The following CDC40 variants were observed in gnomAD, a reference collection of about 807,000 sequenced individuals.
CDC40 encodes the protein pre-mRNA-processing factor 17.
A neutral mutation model predicts 80.6 loss-of-function variants in CDC40; 27 were observed. The observed-to-expected ratio is 0.33, with a 90% CI of 0.25 to 0.46. The LOEUF (loss-of-function observed/expected upper bound fraction) is 0.46, where lower values mean the gene tolerates loss of function less well. Among genes scored for constraint, CDC40 ranks in the 20% least tolerant of loss-of-function variants. CDC40 has a pLI of 1.00. For synonymous variants in CDC40, 221 were observed against 232.6 expected (o/e 0.95, Z 0.45); for missense variants, 486 against 694.1 (o/e 0.70, Z 3.37).
intron 7 of CDC40, among the ~76,000 whole-genome samples, chr6:110,212,499 T>C (rs566465574): frequency 6.6e-6 from 1 of 152,330 alleles, no homozygotes; most frequent in Admixed American, 6.5e-5. Flanking sequence ...CATGATTTAG[T>C]GTCCTGTATC....
chr6:110,224,669 G>A (rs903101888), intron 12 of CDC40, among the ~76,000 whole-genome samples: 26 of 152,186 alleles, frequency 1.7e-4, no homozygotes, highest in African/African-American at 6.0e-4. Flanking sequence ...GATTACAGAT[G>A]TGACCCACTA....
intron 10 of CDC40, 149 bp downstream of exon 10, chr6:110,217,952 G>GTC: frequency 1.9e-6 from 1 of 524,254 alleles, no homozygotes; most frequent in Non-Finnish European, 3.4e-6. Context: ...AAATACATTT[G>GTC]TAAGTCGAAA....
chr6:110,226,550 CCTCCT>C (rs1584086012), intron 13 of CDC40, among the ~76,000 whole-genome samples: 1 of 151,088 alleles, frequency 6.6e-6, no homozygotes, highest in Admixed American at 6.6e-5. Context: ...CCTCCTCTCC[CCTCCT>C]CTCCTCTCCC....
intron 10 of CDC40, 27 bp from the exon 11 acceptor site, chr6:110,219,337 C>T (rs1562206576): frequency 1.0e-6 from 1 of 1,000,250 alleles, no homozygotes; most frequent in African/African-American, 1.6e-5. Flanking sequence ...TTTATTTTAC[C>T]TATTTAATTT....
In CDC40 at chr6:110,218,821, ATTT is replaced by A. The variant is rs71865877; in HGVS notation, c.1091-526_1091-524del. Among the ~76,000 whole-genome samples, 325 of 134,080 alleles carry A rather than the reference ATTT, an allele frequency of 2.4e-3. 1 individual carries two copies. The highest frequency in any genetic ancestry group is 8.6e-3 in the African/African-American group (311 of 36,292). The allele number at this position is 134,080 out of a possible 152,430, so 88.0% of individuals were successfully genotyped here. On this transcript the variant is annotated intron_variant, in intron 10 of 14. Coordinates refer to ENST00000307731, the MANE Select transcript of CDC40 (RefSeq NM_015891.3). ...GTATGAAGTGCCTAAATATTCAGTG[ATTT>A]TTTTTTTTTTTTTTTTGGTAAACAT...
intron 3 of CDC40, 68 bp from the exon 4 acceptor site, chr6:110,207,438 G>T (rs2114661425): frequency 4.7e-5 from 34 of 724,822 alleles, no homozygotes; most frequent in East Asian, 6.2e-5. Flanking sequence ...GTGTATATTT[G>T]TATTATAATA....
chr6:110,217,565 C>T (rs1258874741), intron 9 of CDC40, 137 bp from the exon 10 acceptor site: 15 of 610,652 alleles, frequency 2.5e-5, no homozygotes, highest in Non-Finnish European at 3.6e-5. Flanking sequence ...GTAAATCAGG[C>T]GGTGGCATTC....
intron 12 of CDC40, among the ~76,000 whole-genome samples, chr6:110,220,702 C>T (rs1489125910): frequency 2.0e-5 from 3 of 152,182 alleles, no homozygotes; most frequent in Non-Finnish European, 4.4e-5. Flanking sequence ...ACCTTGGCCT[C>T]CCAAAGTGCT....
In CDC40 at chr6:110,219,358, T is replaced by A. The variant is rs1428158158; in HGVS notation, c.1091-6T>A. ...TTACCTATTTAATTTGAGTCTTTGG[T>A]TTTAGGACAGTGTATATCAAGATTT... On this transcript the variant is annotated splice_region_variant and splice_polypyrimidine_tract_variant and intron_variant, in intron 10 of 14. Coordinates refer to ENST00000307731, the MANE Select transcript of CDC40 (RefSeq NM_015891.3). 1.5e-6 allele frequency: 2 copies of A among 1,339,770 alleles called. No homozygotes were observed. Among genetic ancestry groups the A allele is most frequent in the South Asian group, 2.4e-5 (2 of 83,624 alleles). 83.0% of individuals were successfully genotyped at this position (1,339,770 alleles called of 1,614,324 possible). A position where few individuals can be genotyped will look rare whatever the true frequency, so the allele number is the denominator to read the frequency against.
At chr6:110,198,906 C>A (rs910856895) in intron 2 of CDC40, 1 of 152,034 alleles carries the variant, frequency 6.6e-6, no homozygotes, top group Non-Finnish European at 1.5e-5. Context: ...AATGGTTGTT[C>A]CAGAACTAAG....
chr6:110,209,336 T>C (rs1372292010), intron 5 of CDC40, 113 bp downstream of exon 5: 1 of 864,256 alleles, frequency 1.2e-6, no homozygotes, highest in African/African-American at 1.7e-5. Context: ...TCATCAAAAT[T>C]TTTCTGCCTT....
chr6:110,229,498 C>T (rs1286418766), intron 14 of CDC40, among the ~76,000 whole-genome samples: 1 of 152,154 alleles, frequency 6.6e-6, no homozygotes, highest in African/African-American at 2.4e-5. Flanking sequence ...ATCCCAGTAA[C>T]TTTGTTTGTT....
intron 2 of CDC40, among the ~76,000 whole-genome samples, chr6:110,195,715 G>C (rs571290084): frequency 6.6e-6 from 1 of 152,162 alleles, no homozygotes; most frequent in South Asian, 2.1e-4. Context: ...TTTATGAGGA[G>C]AGACTTCAAG....
chr6:110,189,299 TAG>T (rs1777315574), intron 1 of CDC40, among the ~76,000 whole-genome samples: 1 of 152,218 alleles, frequency 6.6e-6, no homozygotes, highest in Admixed American at 6.5e-5. Flanking sequence ...ATATATTATA[TAG>T]TCTATTGTCT....
chr6:110,185,329 G>A (rs1248423753), intron 1 of CDC40, among the ~76,000 whole-genome samples: 4 of 138,966 alleles, frequency 2.9e-5, no homozygotes, highest in Non-Finnish European at 4.6e-5. Flanking sequence ...TGCAAGCTCC[G>A]CCTCCCGGGT....
intron 3 of CDC40, among the ~76,000 whole-genome samples, chr6:110,205,558 G>T (rs961924558): frequency 6.6e-6 from 1 of 152,174 alleles, no homozygotes; most frequent in Non-Finnish European, 1.5e-5. Flanking sequence ...AGAGGATGTG[G>T]AGCAAGAGGA....
intron 3 of CDC40, among the ~76,000 whole-genome samples, chr6:110,207,139 C>T (rs1777573089): frequency 6.6e-6 from 1 of 151,802 alleles, no homozygotes; most frequent in South Asian, 2.1e-4. Flanking sequence ...CATGGTGAAA[C>T]CCCATCTCTC....
rs1240648567 is a variant in CDC40 at position 110,201,633 on chromosome 6, G to T, written c.352G>T (p.Ala118Ser). ...RNMLSGYAEP[A>S]HINDFMFEQQ... is the part of the protein sequence containing the mutation. ...TATGCTTTCTGGATATGCCGAACCA[G>T]CTCATATCAATGATTTCATGTTTGA... The change falls in exon 3 of 15, where the codon GCT (alanine) becomes TCT (serine). Residue 118 changes from alanine (A) to serine (S), a missense_variant. Transcript: ENST00000307731. 1 of 1,613,066 alleles carries T rather than the reference G, an allele frequency of 6.2e-7. No homozygotes were observed. Among genetic ancestry groups the T allele is most frequent in the Non-Finnish European group, 8.5e-7 (1 of 1,179,218 alleles).
chr6:110,199,864 G>A (rs944139399), intron 2 of CDC40, among the ~76,000 whole-genome samples: 3 of 152,064 alleles, frequency 2.0e-5, no homozygotes, highest in Non-Finnish European at 4.4e-5. Flanking sequence ...CTGCTCTGTG[G>A]ATGATAGCTT....
Sources: gnomAD v4.1 joint callset for allele counts (sites outside exome capture counted in the v4.1 genomes callset) on GRCh38, gnomAD v4.1.1 for gene constraint, MANE v1.5 for transcripts, NCBI Gene and HGNC (gene_info 2026-07-23, HGNC 2026-07-21) for gene names.